MYH7B: variants seen among roughly 807,000 people sequenced by gnomAD.
MYH7B encodes myosin heavy chain 7B, also known as myosin-7B.
A neutral mutation model predicts 234.5 loss-of-function variants in MYH7B; 205 were observed. The observed-to-expected ratio is 0.87, with a 90% CI of 0.78 to 0.98. The LOEUF (loss-of-function observed/expected upper bound fraction) is 0.98, where lower values mean the gene tolerates loss of function less well. Ranked by LOEUF, MYH7B falls within the 50% of genes least tolerant of loss-of-function variation. MYH7B has a pLI of 0.00. For missense variants in MYH7B, 2,652 were observed against 2,633.4 expected, an observed-to-expected ratio of 1.01 and a Z score of -0.15; for synonymous variants, 1,193 against 1,105.0, an observed-to-expected ratio of 1.08 and a Z score of -1.58.
exon 36 of MYH7B, chr20:34,999,295 C>T: frequency 1.9e-6 from 3 of 1,587,840 alleles, no homozygotes; most frequent in Non-Finnish European, 2.6e-6. Context: ...CTGGAGGCGG[C>T]ACAGAGGGAG....
intron 27 of MYH7B, 145 bp from the exon 28 acceptor site, chr20:34,995,191 A>C: frequency 2.6e-6 from 2 of 781,170 alleles, no homozygotes; most frequent in Non-Finnish European, 4.0e-6. Context: ...TCCATGCCCA[A>C]GAGCGAGTCA....
intron 9 of MYH7B, chr20:34,981,708 T>C (rs6142266): frequency 0.79 from 118,774 of 151,002 alleles, 47,228 homozygotes; most frequent in African/African-American, 0.89. Flanking sequence ...AAAAATTAGC[T>C]GGGCGTGGTG....
Position 34,999,781 on chromosome 20 carries a change from G to A in MYH7B, c.4666-10G>A, listed in dbSNP as rs1425302766. The A allele has an allele frequency of 9.7e-6, 12 of 1,238,236 alleles. No individual in the cohort carries two copies. Among genetic ancestry groups the A allele is most frequent in the Non-Finnish European group, 1.3e-5 (12 of 901,338 alleles). 76.7% of individuals were successfully genotyped at this position (1,238,236 alleles called of 1,614,324 possible). ...CCCCCCACCCTACCCTGCCTGCTCT[G>A]TATCCACAGGGGGCCCTGGAGCTGG... On this transcript the variant is annotated splice_polypyrimidine_tract_variant and intron_variant, in intron 37 of 44. Coordinates refer to ENST00000262873, the Ensembl canonical transcript of MYH7B.
intron 3 of MYH7B, among the ~76,000 whole-genome samples, chr20:34,976,737 T>C (rs965236695): frequency 6.6e-6 from 1 of 151,916 alleles, no homozygotes; most frequent in Non-Finnish European, 1.5e-5. Context: ...CCCCAGGGGG[T>C]CCCCAGAAAG....
exon 29 of MYH7B, chr20:34,996,371 C>A (rs1253660950): frequency 6.2e-7 from 1 of 1,602,932 alleles, no homozygotes; most frequent in African/African-American, 1.3e-5. Context: ...GAAGAGATGG[C>A]TGCGCTGGAC....
intron 9 of MYH7B, chr20:34,981,921 C>T (rs2081948215): frequency 6.7e-6 from 1 of 150,200 alleles, no homozygotes. Flanking sequence ...AGTGTGGTGG[C>T]TCACACCTGT....
rs554062457 is a variant in MYH7B, at chr20:34,998,377, T to A, written c.3830T>A (p.Leu1277Gln). 42 of 1,613,560 alleles carry A rather than the reference T, an allele frequency of 2.6e-5. No individual in the cohort carries two copies. Among genetic ancestry groups the A allele is most frequent in the Non-Finnish European group, 3.4e-5 (40 of 1,180,024 alleles). The stretch of plus-strand genomic sequence containing the variant: ...AAGGTGGAGGAGCTGCAGCGGCAGC[T>A]GGCGGACGCAAGCACGCAGCGTGGG... The change falls in exon 33 of 45, where the codon CTG (leucine) becomes CAG (glutamine). Residue 1277 changes from leucine to glutamine, a missense_variant. Physicochemically the swap from Leu to Gln is moderately radical, Grantham distance 113. This residue lies in a region of MYH7B where 2,279 missense variants were observed against 2,211.4 expected (regional missense o/e 1.03). Coordinates refer to ENST00000262873, the Ensembl canonical transcript of MYH7B.
At chr20:35,000,464 G>T in exon 39 of MYH7B, 1 of 1,601,912 alleles carries the variant, frequency 6.2e-7, no homozygotes, top group East Asian at 2.2e-5. Flanking sequence ...CTGCCACGCG[G>T]CTGATGCAGG....
exon 36 of MYH7B, chr20:34,999,261 C>CAGG (rs759632443): frequency 2.5e-6 from 4 of 1,600,992 alleles, no homozygotes; most frequent in Non-Finnish European, 1.7e-6. Flanking sequence ...ACGGCGGCGG[C>CAGG]AGGAGGAGGA....
exon 32 of MYH7B, chr20:34,997,453 A>AGGCGGCGCTGCGGCACGAGGCCACAGT (rs755232858): frequency 6.0e-6 from 9 of 1,489,234 alleles, no homozygotes; most frequent in East Asian, 2.6e-5. Context: ...GAGCTGGAGG[A>AGGCGGCGCTGCGGCACGAGGCCACAGT]GGCGGCGCTG....
chr20:34,971,625 G>A (rs989760832), intron 2 of MYH7B, among the ~76,000 whole-genome samples: 2 of 152,136 alleles, frequency 1.3e-5, no homozygotes, highest in Non-Finnish European at 2.9e-5. Context: ...CCCTTTCTGG[G>A]CCTCACCACC....
intron 28 of MYH7B, among the ~76,000 whole-genome samples, chr20:34,995,970 A>G (rs1173698150): frequency 6.6e-6 from 1 of 152,160 alleles, no homozygotes; most frequent in East Asian, 1.9e-4. Context: ...CCAGTGCTGG[A>G]GGAGGGACTC....
chr20:34,990,481 C>A, intron 22 of MYH7B, 171 bp downstream of exon 22: 2 of 921,252 alleles, frequency 2.2e-6, no homozygotes, highest in South Asian at 1.3e-5. Flanking sequence ...CCCGTCCCTA[C>A]GCTGCCTGGG....
chr20:34,965,407 A>G (rs759922311), intron 2 of MYH7B, among the ~76,000 whole-genome samples: 16 of 152,254 alleles, frequency 1.1e-4, no homozygotes, highest in Non-Finnish European at 1.6e-4. Flanking sequence ...CTGAGGGCGC[A>G]GCAGGGAGCA....
chr20:34,971,218 C>T (rs949803713), intron 2 of MYH7B, among the ~76,000 whole-genome samples: 2 of 152,128 alleles, frequency 1.3e-5, no homozygotes, highest in African/African-American at 2.4e-5. Flanking sequence ...GGCTCAGTTT[C>T]CCCAGCTGTC....
intron 2 of MYH7B, among the ~76,000 whole-genome samples, chr20:34,966,432 GT>G (rs1372311471): frequency 6.6e-6 from 1 of 152,212 alleles, no homozygotes; most frequent in East Asian, 1.9e-4. Flanking sequence ...TGGAATGACA[GT>G]TTTAGAAACA....
chr20:35,001,959 C>T, exon 44 of MYH7B: 1 of 1,613,170 alleles, frequency 6.2e-7, no homozygotes, highest in South Asian at 1.1e-5. Flanking sequence ...AGCAGCAGGC[C>T]AACACCAACC....
intron 23 of MYH7B, 43 bp downstream of exon 23, chr20:34,990,868 TGG>T (rs1205440346): frequency 6.2e-7 from 1 of 1,608,548 alleles, no homozygotes; most frequent in Non-Finnish European, 8.5e-7. Flanking sequence ...GGAGGCATCA[TGG>T]GAAGGTGACA....
In MYH7B at chr20:34,987,283, T is replaced by A. The variant is rs372895368; in HGVS notation, c.1143T>A (p.Thr381=). 1.9e-6 allele frequency: 3 copies of A among 1,610,590 alleles called. No homozygotes were observed. The African/African-American group carries it at 4.0e-5, about 21-fold the overall frequency. ...AGGAGCAGGCGGAGGCCGATGGCAC[T>A]GAGAGTGAGGGGCCCTAACCTGGCC... Residue 381 remains threonine, a synonymous_variant, in exon 16 of 45, where the codon ACT becomes ACA. Coordinates refer to ENST00000262873, the Ensembl canonical transcript of MYH7B.
Sources: allele counts gnomAD v4.1 joint callset (sites outside exome capture counted in the v4.1 genomes callset), GRCh38; gene constraint gnomAD v4.1.1; regional missense constraint gnomAD v4.1.1; transcripts MANE v1.5; gene names NCBI Gene and HGNC (gene_info 2026-07-23, HGNC 2026-07-21).